Variants in CDH13 observed in about 807,000 individuals in gnomAD.
CDH13 encodes cadherin 13.
Under a neutral mutation model 63.8 loss-of-function variants are expected in CDH13, and 24 were observed. That is an observed-to-expected ratio of 0.38 (90% CI 0.27 to 0.53). CDH13 has a LOEUF of 0.53. Among genes scored for constraint, CDH13 ranks in the 20% least tolerant of loss-of-function variants. The pLI is 0.85. For missense variants in CDH13, 1,049 were observed against 903.1 expected, an observed-to-expected ratio of 1.16 and a Z score of -2.07; for synonymous variants, 503 against 355.3, an observed-to-expected ratio of 1.42 and a Z score of -4.67.
chr16:82,691,268 G>T (rs1264528418), intron 1 of CDH13, among the ~76,000 whole-genome samples: 1 of 152,220 alleles, frequency 6.6e-6, no homozygotes, highest in African/African-American at 2.4e-5. Context: ...GCCACCTGCA[G>T]TCAGTCTCCC....
At chr16:82,849,906 T>C (rs1378373168) in intron 1 of CDH13, among the ~76,000 whole-genome samples, 2 of 152,374 alleles carry the variant, frequency 1.3e-5, no homozygotes, top group Non-Finnish European at 2.9e-5. Context: ...AAGCCCACTA[T>C]TGAGAACTGC....
intron 1 of CDH13, among the ~76,000 whole-genome samples, chr16:82,643,913 A>AT (rs1374897246): frequency 3.9e-5 from 2 of 51,328 alleles, no homozygotes. Context: ...GGCCCAGTTA[A>AT]TTAAAAAAAA....
intron 1 of CDH13, among the ~76,000 whole-genome samples, chr16:82,753,776 G>C (rs529728252): frequency 6.6e-6 from 1 of 152,128 alleles, no homozygotes; most frequent in African/African-American, 2.4e-5. Context: ...AATCCATGGG[G>C]CCCTTTATTC....
At chr16:82,976,382 CTG>C (rs2151378724) in intron 2 of CDH13, among the ~76,000 whole-genome samples, 1 of 152,302 alleles carries the variant, frequency 6.6e-6, no homozygotes, top group South Asian at 2.1e-4. Context: ...TCTCACTCAA[CTG>C]TAACGGTGGA....
intron 2 of CDH13, among the ~76,000 whole-genome samples, chr16:82,949,060 C>G (rs981037979): frequency 4.6e-5 from 7 of 152,004 alleles, no homozygotes; most frequent in African/African-American, 1.7e-4. Context: ...TCCTTATGAC[C>G]CAAAGAGATA....
chr16:83,038,638 T>C (rs1917072879), intron 3 of CDH13, among the ~76,000 whole-genome samples: 1 of 152,176 alleles, frequency 6.6e-6, no homozygotes, highest in South Asian at 2.1e-4. Flanking sequence ...AAACAGTGGA[T>C]GAGGGGTCTG....
chr16:82,851,806 A>G (rs1254742463), intron 1 of CDH13, among the ~76,000 whole-genome samples: 2 of 152,128 alleles, frequency 1.3e-5, no homozygotes, highest in Non-Finnish European at 2.9e-5. Context: ...TGGGAGGATA[A>G]AGAATTAATC....
intron 7 of CDH13, among the ~76,000 whole-genome samples, chr16:83,508,191 G>A (rs1469898166): frequency 6.6e-6 from 1 of 151,068 alleles, no homozygotes; most frequent in Non-Finnish European, 1.5e-5. Flanking sequence ...AAAGGGAAGG[G>A]AAGGGAATAC....
chr16:82,691,966 C>A (rs952745410), intron 1 of CDH13, among the ~76,000 whole-genome samples: 1 of 152,066 alleles, frequency 6.6e-6, no homozygotes, highest in Non-Finnish European at 1.5e-5. Context: ...TATATGCTGA[C>A]AGTTAGGAAA....
intron 11 of CDH13, among the ~76,000 whole-genome samples, chr16:83,776,246 C>G (rs534158184): frequency 2.6e-4 from 40 of 152,264 alleles, no homozygotes; most frequent in African/African-American, 9.4e-4. Flanking sequence ...ATCCATTCTA[C>G]CAAATGACTT....
At chr16:83,179,332 G>T (rs781447961) in intron 4 of CDH13, among the ~76,000 whole-genome samples, 20 of 151,828 alleles carry the variant, frequency 1.3e-4, no homozygotes, top group Non-Finnish European at 2.6e-4. Context: ...CATGCTAACA[G>T]GACCATGATT....
At chr16:83,105,082 G>C (rs1316228654) in intron 3 of CDH13, among the ~76,000 whole-genome samples, 1 of 152,070 alleles carries the variant, frequency 6.6e-6, no homozygotes, top group African/African-American at 2.4e-5. Flanking sequence ...CGTGTGCCAT[G>C]GCGGTTTGCT....
chr16:83,263,756 C>T (rs1907259467), intron 5 of CDH13, among the ~76,000 whole-genome samples: 1 of 152,156 alleles, frequency 6.6e-6, no homozygotes, highest in South Asian at 2.1e-4. Context: ...GCAGAGACAG[C>T]AGGCTGCTGC....
chr16:83,046,872 T>G (rs1159331024), intron 3 of CDH13, among the ~76,000 whole-genome samples: 1 of 152,150 alleles, frequency 6.6e-6, no homozygotes, highest in Non-Finnish European at 1.5e-5. Flanking sequence ...TGCTGCTCTT[T>G]CTGTCTTCTG....
chr16:83,500,305 TCTCC>T (rs749360804), intron 7 of CDH13, among the ~76,000 whole-genome samples: 4 of 810 alleles, frequency 4.9e-3, no homozygotes, highest in African/African-American at 5.8e-3. Flanking sequence ...TCCTTCTCCT[TCTCC>T]TTCTCCTTCT....
intron 2 of CDH13, among the ~76,000 whole-genome samples, chr16:82,862,298 G>A (rs543413454): frequency 6.6e-6 from 1 of 152,320 alleles, no homozygotes; most frequent in East Asian, 1.9e-4. Flanking sequence ...CAACTGACCA[G>A]CCACCCAGCT....
intron 1 of CDH13, among the ~76,000 whole-genome samples, chr16:82,651,567 G>A (rs926641729): frequency 4.6e-5 from 7 of 152,218 alleles, no homozygotes; most frequent in Non-Finnish European, 1.5e-5. Flanking sequence ...CCTGAGAAAA[G>A]CATTTACTGT....
chr16:82,653,116 C>G (rs1338440132), intron 1 of CDH13, among the ~76,000 whole-genome samples: 1 of 152,128 alleles, frequency 6.6e-6, no homozygotes, highest in Admixed American at 6.6e-5. Context: ...ACTTTGGAAA[C>G]CCATTTTGTT....
intron 10 of CDH13, among the ~76,000 whole-genome samples, chr16:83,683,359 G>A (rs957403305): frequency 6.6e-6 from 1 of 152,206 alleles, no homozygotes; most frequent in African/African-American, 2.4e-5. Flanking sequence ...GAATAAGGAA[G>A]ATAATAAAGT....
Sources: allele counts gnomAD v4.1 joint callset (sites outside exome capture counted in the v4.1 genomes callset), GRCh38; gene constraint gnomAD v4.1.1; transcripts MANE v1.5; gene names NCBI Gene and HGNC (gene_info 2026-07-23, HGNC 2026-07-21).